CDH13: variants seen among roughly 807,000 people sequenced by gnomAD.
CDH13 encodes the protein cadherin 13.
A neutral mutation model predicts 63.8 loss-of-function variants in CDH13; 24 were observed. That is an observed-to-expected ratio of 0.38 (90% CI 0.27 to 0.53). The LOEUF (loss-of-function observed/expected upper bound fraction) is 0.53. CDH13 is among the 20% of genes least tolerant of loss of function. The probability of loss-of-function intolerance (pLI) is 0.85; values close to 1 mark genes in which losing one functional copy is unlikely to be tolerated. For missense variants in CDH13, 1,049 were observed against 903.1 expected (o/e 1.16, Z -2.07); for synonymous variants, 503 against 355.3 (o/e 1.42, Z -4.67).
intron 6 of CDH13, among the ~76,000 whole-genome samples, chr16:83,485,626 C>T (rs1453836390): frequency 2.0e-5 from 3 of 152,152 alleles, no homozygotes; most frequent in Non-Finnish European, 2.9e-5. Flanking sequence ...TCTCTTCTTA[C>T]GGGTCCTCAT....
At chr16:83,158,787 C>A (rs1023906657) in intron 4 of CDH13, among the ~76,000 whole-genome samples, 1 of 152,216 alleles carries the variant, frequency 6.6e-6, no homozygotes, top group African/African-American at 2.4e-5. Flanking sequence ...CTGGCTCTTG[C>A]CCTGAGAGCA....
chr16:83,575,242 G>C (rs1905000290), intron 7 of CDH13, among the ~76,000 whole-genome samples: 1 of 152,148 alleles, frequency 6.6e-6, no homozygotes, highest in South Asian at 2.1e-4. Flanking sequence ...GTGATGGTTG[G>C]ACAACTCTGT....
intron 1 of CDH13, among the ~76,000 whole-genome samples, chr16:82,748,893 A>G (rs2034293109): frequency 6.6e-6 from 1 of 152,136 alleles, no homozygotes; most frequent in South Asian, 2.1e-4. Flanking sequence ...GGTCATCCCA[A>G]CAGATACCTG....
chr16:83,267,730 A>G (rs545326927), intron 5 of CDH13, among the ~76,000 whole-genome samples: 3 of 152,190 alleles, frequency 2.0e-5, no homozygotes, highest in Admixed American at 6.5e-5. Context: ...TGGCCCCTCA[A>G]TCTTGGACTT....
At chr16:82,772,634 C>A (rs187331972) in intron 1 of CDH13, among the ~76,000 whole-genome samples, 63 of 152,304 alleles carry the variant, frequency 4.1e-4, no homozygotes, top group African/African-American at 1.4e-3. Flanking sequence ...GAGCTAGATG[C>A]TTTACTTTGG....
chr16:83,231,138 G>C (rs1460108325), intron 5 of CDH13, among the ~76,000 whole-genome samples: 1 of 152,158 alleles, frequency 6.6e-6, no homozygotes, highest in Non-Finnish European at 1.5e-5. Flanking sequence ...TAGATAACTT[G>C]CACATCACGG....
At chr16:83,512,864 G>C (rs2074605800) in intron 7 of CDH13, among the ~76,000 whole-genome samples, 1 of 151,942 alleles carries the variant, frequency 6.6e-6, no homozygotes, top group African/African-American at 2.4e-5. Context: ...AACCCTGGGA[G>C]GTGGCACCCA....
intron 5 of CDH13, among the ~76,000 whole-genome samples, chr16:83,296,359 G>A (rs1204942549): frequency 1.3e-5 from 2 of 152,152 alleles, no homozygotes; most frequent in Non-Finnish European, 2.9e-5. Context: ...GATGCATTCT[G>A]TTGTTAGTGC....
In CDH13 at chr16:83,800,533, G is replaced by A. The variant is rs959958586; in HGVS notation, c.*5503G>A. The A allele has an allele frequency of 2.6e-5, 4 of 152,216 alleles. No individual in the cohort carries two copies. The South Asian group carries it at 8.3e-4, about 32-fold the overall frequency. 9.4% of individuals were successfully genotyped at this position (152,216 alleles called of 1,614,324 possible). ...TCCTTTGGGCCCTCACTGCTGAATT[G>A]CTTACAGTTTCTGAGCTGTAAACTA... On this transcript the variant is annotated 3_prime_UTR_variant, in exon 14 of 14. Transcript: ENST00000567109.
chr16:83,344,363 C>T (rs1219622957), intron 5 of CDH13, among the ~76,000 whole-genome samples: 2 of 152,178 alleles, frequency 1.3e-5, no homozygotes, highest in Non-Finnish European at 2.9e-5. Context: ...CATTCAGGCC[C>T]CCTGCAAATT....
intron 2 of CDH13, among the ~76,000 whole-genome samples, chr16:82,939,233 G>A (rs2151306221): frequency 6.6e-6 from 1 of 152,270 alleles, no homozygotes; most frequent in Non-Finnish European, 1.5e-5. Flanking sequence ...AGATCAGCCT[G>A]GGCAACATGG....
At chr16:83,649,792 G>A (rs11639848) in intron 8 of CDH13, among the ~76,000 whole-genome samples, 151,919 of 152,262 alleles carry the variant, frequency 1, 75,788 homozygotes, top group Middle Eastern at 1. Flanking sequence ...TGCTGAGAGA[G>A]GCAGGGGTCT....
At chr16:83,714,091 G>A (rs549349424) in intron 10 of CDH13, among the ~76,000 whole-genome samples, 2 of 152,174 alleles carry the variant, frequency 1.3e-5, no homozygotes, top group Admixed American at 6.5e-5. Context: ...GTGAGTGGAG[G>A]GGGGGCTGCC....
intron 6 of CDH13, among the ~76,000 whole-genome samples, chr16:83,368,028 A>G (rs1010673072): frequency 1.3e-5 from 2 of 152,200 alleles, no homozygotes; most frequent in African/African-American, 4.8e-5. Context: ...AGTATATTTG[A>G]TGATATTGTA....
chr16:83,513,535 C>A (rs1039148786), intron 7 of CDH13, among the ~76,000 whole-genome samples: 1 of 152,130 alleles, frequency 6.6e-6, no homozygotes, highest in East Asian at 1.9e-4. Context: ...GTTGGGAAGG[C>A]CTCAGGAGAC....
chr16:83,709,122 T>C (rs1251419457), intron 10 of CDH13, among the ~76,000 whole-genome samples: 1 of 152,148 alleles, frequency 6.6e-6, no homozygotes, highest in Non-Finnish European at 1.5e-5. Context: ...AAGCAAGTCA[T>C]TGGAGCCACA....
intron 1 of CDH13, among the ~76,000 whole-genome samples, chr16:82,751,945 G>A (rs1401304661): frequency 6.6e-5 from 10 of 152,138 alleles, no homozygotes; most frequent in Non-Finnish European, 1.2e-4. Context: ...CGAATTTATC[G>A]GTTGTATCTG....
chr16:82,882,575 G>A (rs929000216), intron 2 of CDH13, among the ~76,000 whole-genome samples: 1 of 152,176 alleles, frequency 6.6e-6, no homozygotes, highest in Non-Finnish European at 1.5e-5. Flanking sequence ...GAAAAAGTAT[G>A]TAGAGGGACT....
chr16:83,213,578 C>A (rs1195440754), intron 4 of CDH13, among the ~76,000 whole-genome samples: 1 of 152,190 alleles, frequency 6.6e-6, no homozygotes, highest in African/African-American at 2.4e-5. Context: ...GAAGCCCATT[C>A]TTGGGAAGCA....
Sources: allele counts gnomAD v4.1 joint callset (sites outside exome capture counted in the v4.1 genomes callset), GRCh38; gene constraint gnomAD v4.1.1; transcripts MANE v1.5; gene names NCBI Gene and HGNC (gene_info 2026-07-23, HGNC 2026-07-21).